CEP112: variants seen among roughly 807,000 people sequenced by gnomAD.
The protein encoded by CEP112 is centrosomal protein of 112 kDa.
In CEP112, 127 loss-of-function variants were observed where a neutral mutation model predicts 153.0. That is an observed-to-expected ratio of 0.83 (90% CI 0.72 to 0.96). The LOEUF (loss-of-function observed/expected upper bound fraction) is 0.96, where lower values mean the gene tolerates loss of function less well. Ranked by LOEUF, CEP112 falls within the 40% of genes least tolerant of loss-of-function variation. CEP112 has a pLI of 0.00. For missense variants in CEP112, 1,089 were observed against 1,101.2 expected (o/e 0.99, Z 0.16); for synonymous variants, 358 against 374.4 (o/e 0.96, Z 0.51).
intron 19 of CEP112, among the ~76,000 whole-genome samples, chr17:65,920,556 C>T (rs9675105): frequency 0.37 from 54,456 of 148,844 alleles, 11,695 homozygotes; most frequent in Non-Finnish European, 0.5. Context: ...TTTTATCACA[C>T]AGACCAAGCC....
chr17:65,898,987 C>T (rs2059755123), intron 20 of CEP112, among the ~76,000 whole-genome samples: 1 of 152,110 alleles, frequency 6.6e-6, no homozygotes, highest in African/African-American at 2.4e-5. Context: ...TTCTATTTTT[C>T]CTCTAATTCA....
chr17:65,971,530 C>A (rs967487017), intron 17 of CEP112, among the ~76,000 whole-genome samples: 11 of 149,530 alleles, frequency 7.4e-5, no homozygotes, highest in Non-Finnish European at 1.2e-4. Context: ...TGTGTATCAC[C>A]TAAATGTATG....
intron 21 of CEP112, among the ~76,000 whole-genome samples, chr17:65,755,709 A>G (rs778168218): frequency 6.6e-6 from 1 of 151,948 alleles, no homozygotes; most frequent in Non-Finnish European, 1.5e-5. Context: ...GTCAAGGATG[A>G]CTTCAAGATT....
intron 20 of CEP112, among the ~76,000 whole-genome samples, chr17:65,884,370 TAA>T (rs1448964012): frequency 6.6e-6 from 1 of 152,100 alleles, no homozygotes; most frequent in African/African-American, 2.4e-5. Context: ...GTCAGGGTAA[TAA>T]AAAAGAGGGA....
chr17:66,054,703 C>G (rs547790368), intron 11 of CEP112, among the ~76,000 whole-genome samples: 1 of 152,144 alleles, frequency 6.6e-6, no homozygotes, highest in Non-Finnish European at 1.5e-5. Flanking sequence ...CACACCTACC[C>G]AATAGGAGAA....
chr17:65,869,274 G>T (rs556187421), intron 20 of CEP112, among the ~76,000 whole-genome samples: 1 of 152,260 alleles, frequency 6.6e-6, no homozygotes, highest in African/African-American at 2.4e-5. Context: ...AGCCAATAAG[G>T]CATATTTGGT....
intron 24 of CEP112, among the ~76,000 whole-genome samples, chr17:65,668,949 C>T (rs1451573099): frequency 6.6e-6 from 1 of 152,204 alleles, no homozygotes; most frequent in Non-Finnish European, 1.5e-5. Context: ...CATATTGTCA[C>T]ATTTTCTCCC....
At chr17:66,048,635 A>T (rs2066314548) in intron 12 of CEP112, among the ~76,000 whole-genome samples, 1 of 152,158 alleles carries the variant, frequency 6.6e-6, no homozygotes, top group Non-Finnish European at 1.5e-5. Context: ...TTTGAGACAG[A>T]GTCTCGCTCT....
chr17:66,108,199 A>G (rs913132413), intron 6 of CEP112, among the ~76,000 whole-genome samples: 9 of 152,142 alleles, frequency 5.9e-5, no homozygotes, highest in African/African-American at 2.2e-4. Context: ...GAAACTACTA[A>G]AAGAAAACAC....
intron 17 of CEP112, among the ~76,000 whole-genome samples, chr17:65,977,660 G>T (rs2145090339): frequency 6.6e-6 from 1 of 152,294 alleles, no homozygotes; most frequent in East Asian, 1.9e-4. Flanking sequence ...GGAATAAGTG[G>T]CTGAGTACAG....
chr17:65,950,699 C>CTATTATTATTATTATTAGTAGTAGTAG lies in CEP112; in HGVS notation c.1872+10763_1872+10764insCTACTACTACTAATAATAATAATAATA, dbSNP rs57598697. Among the ~76,000 whole-genome samples, 26 of 147,184 alleles carry CTATTATTATTATTATTAGTAGTAGTAG rather than the reference C, an allele frequency of 1.8e-4. No homozygotes were observed. The East Asian group carries it at 2.7e-3, about 15-fold the overall frequency. ...CTTTCTTTCCATTCTGGATACATTA[C>CTATTATTATTATTATTAGTAGTAGTAG]TAGTAGTAGTAGTAGTAGTAGTAGT... On this transcript the variant is annotated intron_variant, in intron 18 of 26. Transcript: ENST00000535342.
chr17:66,098,636 G>A (rs1385087659), intron 6 of CEP112, among the ~76,000 whole-genome samples: 1 of 152,166 alleles, frequency 6.6e-6, no homozygotes, highest in South Asian at 2.1e-4. Context: ...TTAGCATCTA[G>A]GTTAAAGGAA....
At chr17:66,066,678 A>C in intron 10 of CEP112, 100 bp downstream of exon 10, 1 of 759,214 alleles carries the variant, frequency 1.3e-6, no homozygotes, top group Non-Finnish European at 2.0e-6. Context: ...AAACATTCCT[A>C]TCTCATACTA....
chr17:65,699,803 G>A (rs999489851), intron 23 of CEP112, among the ~76,000 whole-genome samples: 1 of 152,030 alleles, frequency 6.6e-6, no homozygotes, highest in Non-Finnish European at 1.5e-5. Flanking sequence ...GTTTTTGTTG[G>A]CCACATTTCT....
At chr17:65,797,090 A>AACAACAACAACAACAAC (rs1215975478) in intron 21 of CEP112, 1 of 124,738 alleles carries the variant, frequency 8.0e-6, no homozygotes, top group African/African-American at 3.1e-5. Flanking sequence ...ACAACAACAA[A>AACAACAACAACAACAAC]ACCCATCTTT....
At chr17:65,902,706 G>A (rs1042283520) in intron 19 of CEP112, among the ~76,000 whole-genome samples, 2 of 152,002 alleles carry the variant, frequency 1.3e-5, no homozygotes, top group Admixed American at 6.6e-5. Flanking sequence ...GTAAAAAGCA[G>A]CAATTAAATC....
At chr17:65,910,037 C>T (rs893201885) in intron 19 of CEP112, among the ~76,000 whole-genome samples, 3 of 152,222 alleles carry the variant, frequency 2.0e-5, no homozygotes, top group East Asian at 3.9e-4. Context: ...TGGACTGATT[C>T]TCTCTGATAG....
chr17:65,752,023 C>CATCT (rs2051902471), intron 21 of CEP112, among the ~76,000 whole-genome samples: 2 of 139,996 alleles, frequency 1.4e-5, no homozygotes, highest in Admixed American at 1.4e-4. Flanking sequence ...TTCATCCATC[C>CATCT]ATCCATCCAT....
intron 23 of CEP112, among the ~76,000 whole-genome samples, chr17:65,698,791 G>C (rs577092485): frequency 6.6e-6 from 1 of 152,054 alleles, no homozygotes; most frequent in African/African-American, 2.4e-5. Context: ...GAATTTCCTC[G>C]TCTGGCCAGG....
Sources: allele counts gnomAD v4.1 joint callset (sites outside exome capture counted in the v4.1 genomes callset), GRCh38; gene constraint gnomAD v4.1.1; transcripts MANE v1.5; gene names NCBI Gene and HGNC (gene_info 2026-07-23, HGNC 2026-07-21).